XKR4: variants seen among roughly 807,000 people sequenced by gnomAD.
The protein encoded by XKR4 is XK-related protein 4.
Under a neutral mutation model 53.9 loss-of-function variants are expected in XKR4, and 12 were observed. The ratio of observed to expected loss-of-function variants is 0.22; its 90% CI spans 0.14 to 0.36. The LOEUF is 0.36. Among genes scored for constraint, XKR4 ranks in the 10% least tolerant of loss-of-function variants. The pLI is 1.00. For synonymous variants in XKR4, 354 were observed against 362.4 expected (o/e 0.98, Z 0.26); for missense variants, 799 against 859.5 (o/e 0.93, Z 0.88).
At chr8:55,308,508 GA>G (rs1048603273) in intron 1 of XKR4, among the ~76,000 whole-genome samples, 10 of 152,214 alleles carry the variant, frequency 6.6e-5, no homozygotes, top group African/African-American at 2.2e-4. Context: ...CAGCATGGGG[GA>G]AACTGCCCCC....
intron 1 of XKR4, among the ~76,000 whole-genome samples, chr8:55,265,592 T>C (rs1818586824): frequency 1.3e-5 from 2 of 152,120 alleles, no homozygotes; most frequent in African/African-American, 2.4e-5. Context: ...AGTGGCTCAT[T>C]CCTGTAATCC....
chr8:55,473,053 C>T (rs1157032655), intron 2 of XKR4, among the ~76,000 whole-genome samples: 2 of 152,060 alleles, frequency 1.3e-5, no homozygotes, highest in Non-Finnish European at 2.9e-5. Context: ...CACCTTAGTC[C>T]TCCATTCACC....
At chr8:55,447,861 A>T (rs148358525) in intron 2 of XKR4, among the ~76,000 whole-genome samples, 1 of 152,218 alleles carries the variant, frequency 6.6e-6, no homozygotes, top group Non-Finnish European at 1.5e-5. Flanking sequence ...GACTTCTTTA[A>T]GTCAGTTTTG....
chr8:55,271,222 CTT>C (rs1818686502), intron 1 of XKR4, among the ~76,000 whole-genome samples: 1 of 152,102 alleles, frequency 6.6e-6, no homozygotes, highest in Non-Finnish European at 1.5e-5. Flanking sequence ...TGTGGAATCT[CTT>C]TTCCTCTCCG....
chr8:55,162,082 A>T (rs1402248113), intron 1 of XKR4, among the ~76,000 whole-genome samples: 1 of 152,144 alleles, frequency 6.6e-6, no homozygotes, highest in Non-Finnish European at 1.5e-5. Context: ...GCTCACCTTG[A>T]TCACCACCTT....
chr8:55,390,143 T>A (rs575561388), intron 2 of XKR4, among the ~76,000 whole-genome samples: 1 of 152,350 alleles, frequency 6.6e-6, no homozygotes, highest in East Asian at 1.9e-4. Flanking sequence ...TGTGAGCATG[T>A]GGAGGCTTCT....
At chr8:55,423,229 A>T (rs1804963772) in intron 2 of XKR4, among the ~76,000 whole-genome samples, 1 of 151,934 alleles carries the variant, frequency 6.6e-6, no homozygotes, top group African/African-American at 2.4e-5. Context: ...CTGAGTAGAT[A>T]GGATTACAGG....
chr8:55,388,122 GA>G (rs1804351613), intron 2 of XKR4, among the ~76,000 whole-genome samples: 1 of 152,154 alleles, frequency 6.6e-6, no homozygotes, highest in African/African-American at 2.4e-5. Flanking sequence ...TGCCATTTAG[GA>G]AGTCAATCTC....
At chr8:55,363,960 T>G (rs984336213) in intron 2 of XKR4, among the ~76,000 whole-genome samples, 1 of 152,262 alleles carries the variant, frequency 6.6e-6, no homozygotes, top group Non-Finnish European at 1.5e-5. Context: ...TGTGACGCTA[T>G]AAACAACACG....
At chr8:55,419,574 C>T (rs1175044586) in intron 2 of XKR4, among the ~76,000 whole-genome samples, 1 of 152,144 alleles carries the variant, frequency 6.6e-6, no homozygotes, top group Non-Finnish European at 1.5e-5. Flanking sequence ...TGAACTATCT[C>T]CCTGAGGCTT....
Position 55,455,043 on chromosome 8 carries a change from C to G in XKR4, c.1007-68238C>G, listed in dbSNP as rs945228381. The G allele has an allele frequency of 4.1e-6, 3 of 734,430 alleles. No individual in the cohort carries two copies. In the East Asian group the frequency reaches 7.5e-5, roughly 18 times the overall value. 45.5% of individuals were successfully genotyped at this position (734,430 alleles called of 1,614,324 possible). A position where few individuals can be genotyped will look rare whatever the true frequency, so the allele number is the denominator to read the frequency against. ...AATGGGTTGGCCTCCCAGTCCTTCT[C>G]CGGGAAGAACTGCAGAATCTGGCCC... On this transcript the variant is annotated intron_variant, in intron 2 of 2. Transcript: ENST00000327381.
At chr8:55,260,993 GC>G (rs1488941637) in intron 1 of XKR4, among the ~76,000 whole-genome samples, 1 of 152,130 alleles carries the variant, frequency 6.6e-6, no homozygotes, top group Non-Finnish European at 1.5e-5. Flanking sequence ...TTTGGGGGCT[GC>G]TTTTCATTAA....
intron 2 of XKR4, among the ~76,000 whole-genome samples, chr8:55,485,014 C>T (rs1014822127): frequency 6.6e-6 from 1 of 152,214 alleles, no homozygotes; most frequent in African/African-American, 2.4e-5. Flanking sequence ...CTCTCTAACA[C>T]ATATGATCAT....
At chr8:55,311,840 AAAAAAAAAAAAGAAAAG>A (rs889652131) in intron 1 of XKR4, among the ~76,000 whole-genome samples, 14 of 150,202 alleles carry the variant, frequency 9.3e-5, no homozygotes, top group Admixed American at 4.6e-4. Flanking sequence ...AAAAAAAAAA[AAAAAAAAAAAAGAAAAG>A]AAAAAGAAAA....
At chr8:55,157,298 T>C (rs769882136) in intron 1 of XKR4, among the ~76,000 whole-genome samples, 1 of 152,204 alleles carries the variant, frequency 6.6e-6, no homozygotes, top group Non-Finnish European at 1.5e-5. Context: ...TGGAATAATG[T>C]GTATTGAAGG....
chr8:55,132,479 A>G (rs181269675), intron 1 of XKR4, among the ~76,000 whole-genome samples: 2 of 152,360 alleles, frequency 1.3e-5, no homozygotes, highest in Admixed American at 1.3e-4. Context: ...ATTAAATAAA[A>G]CATTTATAAC....
rs1804539865 is a variant in XKR4, at chr8:55,397,584, T to TA, written c.1006+39707_1006+39708insA. On this transcript the variant is annotated intron_variant, in intron 2 of 2. Transcript: ENST00000327381. ...GAGCTGTGCCCTTAACGAAGTTCAA[T>TA]GTTTTTTTTTTTTCTAGGAACTACT... is the stretch of plus-strand genomic sequence containing the variant. 3.9e-5 allele frequency among the ~76,000 whole-genome samples: 3 copies of TA among 76,036 alleles called. No individual in the cohort carries two copies. The South Asian group carries it at 1.2e-3, about 31-fold the overall frequency. The allele number at this position is 76,036 out of a possible 152,430, so 49.9% of individuals were successfully genotyped here. A position where few individuals can be genotyped will look rare whatever the true frequency, so the allele number is the denominator to read the frequency against.
chr8:55,102,717 T>C lies in XKR4; in HGVS notation c.229T>C (p.Ser77Pro). 1 of 1,154,180 alleles carries C rather than the reference T, an allele frequency of 8.7e-7. No individual in the cohort carries two copies. Among genetic ancestry groups the C allele is most frequent in the Non-Finnish European group, 1.1e-6 (1 of 937,946 alleles). 71.5% of individuals were successfully genotyped at this position (1,154,180 alleles called of 1,614,324 possible). A position where few individuals can be genotyped will look rare whatever the true frequency, so the allele number is the denominator to read the frequency against. Residue 77 changes from serine to proline, a missense_variant, in exon 1 of 3, where the codon TCG becomes CCG. Transcript: ENST00000327381. This position sits in a 1 kb window ranked among gnomAD's most constrained non-coding sequence, Gnocchi z 5.1. ...CGCCGGGAGTGGCGGCTCCGCGGGCTCGGGCGGCTCCGGCGGCGTCGCCGG... is the reference window on the plus strand; with the variant it reads ...CGCCGGGAGTGGCGGCTCCGCGGGCCCGGGCGGCTCCGGCGGCGTCGCCGG... ...CCAGSGGSAG[S>P]GGSGGVAGPG...
intron 2 of XKR4, among the ~76,000 whole-genome samples, chr8:55,376,263 T>A (rs1467708466): frequency 6.6e-6 from 1 of 152,204 alleles, no homozygotes; most frequent in Non-Finnish European, 1.5e-5. Context: ...GATTGCTGGG[T>A]AAAATGGTAT....
Sources: allele counts gnomAD v4.1 joint callset (sites outside exome capture counted in the v4.1 genomes callset), GRCh38; gene constraint gnomAD v4.1.1; non-coding constraint Gnocchi (gnomAD v3.1); transcripts MANE v1.5; gene names NCBI Gene and HGNC (gene_info 2026-07-23, HGNC 2026-07-21).